EPM2A: variants seen among roughly 807,000 people sequenced by gnomAD.
EPM2A encodes the protein laforin.
In EPM2A, 21 loss-of-function variants were observed where a neutral mutation model predicts 26.5. The ratio of observed to expected loss-of-function variants is 0.79; its 90% CI spans 0.56 to 1.14. EPM2A has a LOEUF of 1.14. EPM2A is among the 50% of genes most tolerant of loss of function. The pLI is 0.00. For synonymous variants in EPM2A, 217 were observed against 177.6 expected, an observed-to-expected ratio of 1.22 and a Z score of -1.76; for missense variants, 458 against 440.8, an observed-to-expected ratio of 1.04 and a Z score of -0.35.
chr6:145,629,952 G>A (rs1355465676), intron 3 of EPM2A: 1 of 152,222 alleles, frequency 6.6e-6, no homozygotes, highest in East Asian at 1.9e-4. Flanking sequence ...ATCTTCCCTG[G>A]TCCCAGTCAA....
chr6:145,523,220 G>T (rs1377503621), intron 2 of EPM2A, among the ~76,000 whole-genome samples: 2 of 152,156 alleles, frequency 1.3e-5, no homozygotes, highest in Non-Finnish European at 2.9e-5. Flanking sequence ...CAAAATAAAT[G>T]ATTGACGCAA....
intron 2 of EPM2A, among the ~76,000 whole-genome samples, chr6:145,513,731 T>TAG (rs1780086932): frequency 6.6e-6 from 1 of 152,216 alleles, no homozygotes; most frequent in Admixed American, 6.5e-5. Flanking sequence ...ACTTAAATTA[T>TAG]AAACTGTAGT....
At chr6:145,434,802 G>A (rs540245574) in intron 4 of EPM2A, among the ~76,000 whole-genome samples, 32 of 152,228 alleles carry the variant, frequency 2.1e-4, no homozygotes, top group Admixed American at 4.6e-4. Flanking sequence ...GGCAACCACT[G>A]ATACAGTTTG....
At chr6:145,485,830 C>T (rs748670362) in intron 4 of EPM2A, among the ~76,000 whole-genome samples, 5 of 152,276 alleles carry the variant, frequency 3.3e-5, no homozygotes, top group East Asian at 1.9e-4. Flanking sequence ...GCAAAAGGCA[C>T]GTCTCACGTG....
chr6:145,707,783 C>T (rs573785305), intron 1 of EPM2A, among the ~76,000 whole-genome samples: 2 of 152,176 alleles, frequency 1.3e-5, no homozygotes, highest in East Asian at 3.9e-4. Context: ...TGGGAACAGA[C>T]TAATATAGTA....
At chr6:145,454,530 A>C (rs1026971271) in intron 4 of EPM2A, among the ~76,000 whole-genome samples, 1 of 152,210 alleles carries the variant, frequency 6.6e-6, no homozygotes, top group East Asian at 1.9e-4. Flanking sequence ...CTCACAGTAA[A>C]AGTGAGGATT....
intron 2 of EPM2A, among the ~76,000 whole-genome samples, chr6:145,646,335 A>C (rs1292338): frequency 0.53 from 80,684 of 150,930 alleles, 22,122 homozygotes; most frequent in East Asian, 0.67. Context: ...TTTTTTTTTT[A>C]ATTTTTTATT....
chr6:145,458,144 T>C (rs999301411), intron 4 of EPM2A, among the ~76,000 whole-genome samples: 1 of 152,212 alleles, frequency 6.6e-6, no homozygotes, highest in Non-Finnish European at 1.5e-5. Context: ...ATTCCCAATG[T>C]TTTACTTAAG....
chr6:145,489,287 T>C (rs1401727903), intron 4 of EPM2A, among the ~76,000 whole-genome samples: 1 of 152,186 alleles, frequency 6.6e-6, no homozygotes, highest in South Asian at 2.1e-4. Context: ...GATTTTATAA[T>C]ATGAAAGAAA....
chr6:145,554,020 T>G (rs1780688586), intron 2 of EPM2A, among the ~76,000 whole-genome samples: 2 of 151,862 alleles, frequency 1.3e-5, no homozygotes, highest in African/African-American at 4.8e-5. Flanking sequence ...ACCTCATATT[T>G]GTATAATGCT....
At chr6:145,454,564 G>A (rs1779236554) in intron 4 of EPM2A, among the ~76,000 whole-genome samples, 1 of 152,110 alleles carries the variant, frequency 6.6e-6, no homozygotes, top group African/African-American at 2.4e-5. Flanking sequence ...CCCAATAAAA[G>A]TAAGAATTAG....
intron 2 of EPM2A, among the ~76,000 whole-genome samples, chr6:145,672,588 C>T (rs965591950): frequency 1.3e-5 from 2 of 152,230 alleles, no homozygotes; most frequent in Non-Finnish European, 1.5e-5. Flanking sequence ...GCCAGATTCA[C>T]TTTTACACTC....
chr6:145,526,367 C>T (rs1780273564), intron 2 of EPM2A, among the ~76,000 whole-genome samples: 1 of 152,002 alleles, frequency 6.6e-6, no homozygotes, highest in African/African-American at 2.4e-5. Context: ...TTGATACCAG[C>T]TCTTCTTTAT....
intron 1 of EPM2A, among the ~76,000 whole-genome samples, chr6:145,704,206 G>A (rs1332137063): frequency 1.3e-5 from 2 of 152,162 alleles, no homozygotes; most frequent in Non-Finnish European, 2.9e-5. Flanking sequence ...TAAATGAATG[G>A]TAGTGGTTTA....
intron 4 of EPM2A, among the ~76,000 whole-genome samples, chr6:145,458,722 A>G (rs1456279435): frequency 2.0e-5 from 3 of 152,070 alleles, no homozygotes; most frequent in Non-Finnish European, 4.4e-5. Context: ...ATGTATATGG[A>G]ACCAAAAAAT....
At chr6:145,624,870 T>C (rs1311757981), downstream of EPM2A, among the ~76,000 whole-genome samples, 1 of 152,220 alleles carries the variant, frequency 6.6e-6, no homozygotes, top group Non-Finnish European at 1.5e-5. Flanking sequence ...AGAGAGTGTT[T>C]TGTGTTGTGT....
intron 2 of EPM2A, 152 bp downstream of exon 2, chr6:145,685,970 C>G: frequency 1.4e-6 from 1 of 703,686 alleles, no homozygotes; most frequent in Non-Finnish European, 2.5e-6. Context: ...ATCTCACACA[C>G]TGATTCACTG....
At chr6:145,623,132 C>T (rs969308898), downstream of EPM2A, among the ~76,000 whole-genome samples, 3 of 151,882 alleles carry the variant, frequency 2.0e-5, no homozygotes, top group Admixed American at 1.3e-4. Context: ...CTATGTCAGG[C>T]TCTGTTATAG....
At chr6:145,548,517 C>T (rs958269483) in intron 2 of EPM2A, among the ~76,000 whole-genome samples, 1 of 152,166 alleles carries the variant, frequency 6.6e-6, no homozygotes, top group Admixed American at 6.6e-5. Context: ...TCATAACAAC[C>T]TTGAAGCGGG....
Sources: allele counts gnomAD v4.1 joint callset (sites outside exome capture counted in the v4.1 genomes callset), GRCh38; gene constraint gnomAD v4.1.1; transcripts MANE v1.5; gene names NCBI Gene and HGNC (gene_info 2026-07-23, HGNC 2026-07-21).